LRRTM4: variants seen among roughly 807,000 people sequenced by gnomAD.
LRRTM4 encodes leucine rich repeat transmembrane neuronal 4.
LRRTM4 carries 25 observed loss-of-function variants against 47.6 expected under a neutral mutation model. The observed-to-expected ratio is 0.53, with a 90% confidence interval of 0.38 to 0.73. LRRTM4 has a LOEUF of 0.73. Ranked by LOEUF, LRRTM4 falls within the 30% of genes least tolerant of loss-of-function variation. LRRTM4 has a pLI of 0.00. For synonymous variants in LRRTM4, 311 were observed against 269.5 expected, an observed-to-expected ratio of 1.15 and a Z score of -1.51; for missense variants, 638 against 713.4, an observed-to-expected ratio of 0.89 and a Z score of 1.20.
intron 3 of LRRTM4, among the ~76,000 whole-genome samples, chr2:77,211,215 A>C (rs1015207582): frequency 2.0e-5 from 3 of 152,200 alleles, no homozygotes; most frequent in Non-Finnish European, 2.9e-5. Context: ...GACAAAGAGA[A>C]ACTATTATTA....
intron 3 of LRRTM4, among the ~76,000 whole-genome samples, chr2:76,800,903 A>G (rs937944815): frequency 4.6e-5 from 7 of 151,442 alleles, no homozygotes; most frequent in African/African-American, 1.7e-4. Flanking sequence ...CCACAATGAG[A>G]TACCATCAAT....
intron 3 of LRRTM4, among the ~76,000 whole-genome samples, chr2:77,282,273 T>C (rs10177244): frequency 0.16 from 24,964 of 151,602 alleles, 4,654 homozygotes; most frequent in African/African-American, 0.46. Flanking sequence ...GCCACTTATT[T>C]GTGTATACGC....
intron 3 of LRRTM4, among the ~76,000 whole-genome samples, chr2:77,483,367 GTCTC>G (rs932634403): frequency 1.1e-4 from 16 of 152,048 alleles, no homozygotes; most frequent in Admixed American, 7.2e-4. Flanking sequence ...GAGGGGGACA[GTCTC>G]TCTCTGTAGC....
chr2:77,083,790 T>TTTTTG (rs1558569756), intron 3 of LRRTM4, among the ~76,000 whole-genome samples: 1 of 53,230 alleles, frequency 1.9e-5, no homozygotes, highest in African/African-American at 1.2e-4. Flanking sequence ...ACACTTTTTT[T>TTTTTG]TTTTTTTTTT....
intron 3 of LRRTM4, among the ~76,000 whole-genome samples, chr2:76,780,968 T>C (rs1251724979): frequency 1.3e-5 from 2 of 152,242 alleles, no homozygotes; most frequent in Non-Finnish European, 2.9e-5. Flanking sequence ...TTGTTAGTTT[T>C]CCTTCTAACA....
At chr2:77,467,246 G>A (rs527706913) in intron 3 of LRRTM4, among the ~76,000 whole-genome samples, 1 of 152,148 alleles carries the variant, frequency 6.6e-6, no homozygotes, top group South Asian at 2.1e-4. Context: ...TCAGCACAGT[G>A]TTCCTTTATT....
At chr2:77,360,444 C>G (rs564010419) in intron 3 of LRRTM4, among the ~76,000 whole-genome samples, 54 of 151,246 alleles carry the variant, frequency 3.6e-4, no homozygotes, top group Middle Eastern at 3.4e-3. Flanking sequence ...GGCGGCAGAG[C>G]GAGACTCCAT....
intron 3 of LRRTM4, among the ~76,000 whole-genome samples, chr2:77,171,656 T>C (rs2103835270): frequency 6.6e-6 from 1 of 151,958 alleles, no homozygotes; most frequent in Non-Finnish European, 1.5e-5. Context: ...GAAATATTTT[T>C]ATTTATATTT....
intron 3 of LRRTM4, among the ~76,000 whole-genome samples, chr2:76,798,010 A>C (rs1675442581): frequency 6.8e-6 from 1 of 146,662 alleles, no homozygotes; most frequent in South Asian, 2.1e-4. Context: ...CCCACACATT[A>C]ACACCCCACT....
chr2:77,453,051 A>G (rs1461775087), intron 3 of LRRTM4, among the ~76,000 whole-genome samples: 1 of 152,098 alleles, frequency 6.6e-6, no homozygotes, highest in Non-Finnish European at 1.5e-5. Context: ...ACATATAAAT[A>G]CTAAAGTTAT....
intron 3 of LRRTM4, among the ~76,000 whole-genome samples, chr2:77,241,316 A>G (rs1675258670): frequency 6.6e-6 from 1 of 152,010 alleles, no homozygotes; most frequent in African/African-American, 2.4e-5. Flanking sequence ...ATTTGAATGG[A>G]AAGAGAACAG....
At chr2:76,974,754 C>T (rs1676360998) in intron 3 of LRRTM4, among the ~76,000 whole-genome samples, 1 of 151,338 alleles carries the variant, frequency 6.6e-6, no homozygotes, top group Non-Finnish European at 1.5e-5. Context: ...TTTAATTTTC[C>T]AAGAATATTT....
intron 3 of LRRTM4, among the ~76,000 whole-genome samples, chr2:77,106,167 A>C (rs1026671977): frequency 9.9e-5 from 15 of 152,136 alleles, no homozygotes; most frequent in Admixed American, 9.8e-4. Flanking sequence ...AATTTAAACA[A>C]ATTTTGCAAG....
chr2:76,985,471 C>T (rs746146306), intron 3 of LRRTM4, among the ~76,000 whole-genome samples: 1 of 151,924 alleles, frequency 6.6e-6, no homozygotes, highest in Non-Finnish European at 1.5e-5. Flanking sequence ...ATGTCCCTTC[C>T]AGAGACCTTG....
At chr2:77,364,220 A>T (rs1453981321) in intron 3 of LRRTM4, among the ~76,000 whole-genome samples, 1 of 152,128 alleles carries the variant, frequency 6.6e-6, no homozygotes, top group Non-Finnish European at 1.5e-5. Flanking sequence ...TCATAGCAGG[A>T]CAAGTGGCTT....
chr2:76,952,356 C>T (rs1041591787), intron 3 of LRRTM4, among the ~76,000 whole-genome samples: 7 of 151,754 alleles, frequency 4.6e-5, no homozygotes, highest in African/African-American at 1.7e-4. Context: ...AACAAGAAAA[C>T]AACAAATAAC....
In LRRTM4 at chr2:77,374,009, G is replaced by A. The variant is rs141280442; in HGVS notation, c.1551+144309C>T. Among the ~76,000 whole-genome samples the A allele has an allele frequency of 5.3e-5, 8 of 151,892 alleles. No individual in the cohort carries two copies. In the East Asian group the frequency reaches 1.6e-3, roughly 30 times the overall value. ...CTTGCTGGAAATGAGAGACTGGACA[G>A]GGAGATTTTGACCTTCACTTTTCCA... On this transcript the variant is annotated intron_variant, in intron 3 of 3. Coordinates refer to ENST00000409884, the MANE Select transcript of LRRTM4 (RefSeq NM_001134745.3).
At chr2:77,198,116 T>G (rs1490268268) in intron 3 of LRRTM4, among the ~76,000 whole-genome samples, 1 of 152,174 alleles carries the variant, frequency 6.6e-6, no homozygotes, top group Admixed American at 6.6e-5. Context: ...TTCATGCAAC[T>G]TCTGCACTGA....
At chr2:77,304,604 CTT>C (rs1489930748) in intron 3 of LRRTM4, among the ~76,000 whole-genome samples, 2 of 152,066 alleles carry the variant, frequency 1.3e-5, no homozygotes, top group African/African-American at 2.4e-5. Context: ...GGGAATTGCT[CTT>C]GTCTCTGATT....
Sources: allele counts gnomAD v4.1 joint callset (sites outside exome capture counted in the v4.1 genomes callset), GRCh38; gene constraint gnomAD v4.1.1; transcripts MANE v1.5; gene names NCBI Gene and HGNC (gene_info 2026-07-23, HGNC 2026-07-21).